SLCO4A1: variants seen among roughly 807,000 people sequenced by gnomAD.
SLCO4A1 encodes solute carrier organic anion transporter family member 4A1, also known as colon organic anion transporter.
In SLCO4A1, 51 loss-of-function variants were observed where a neutral mutation model predicts 64.6. That is an observed-to-expected ratio of 0.79 (90% confidence interval 0.63 to 1.00). SLCO4A1 has a LOEUF of 1.00. SLCO4A1 is among the 50% of genes least tolerant of loss of function. The probability of loss-of-function intolerance (pLI) is 0.00; values close to 1 mark genes in which losing one functional copy is unlikely to be tolerated. For missense variants in SLCO4A1, 919 were observed against 980.5 expected (o/e 0.94, Z 0.84); for synonymous variants, 471 against 444.9 (o/e 1.06, Z -0.74).
At chr20:62,684,224 A>C (rs1016752363) in intron 2 of SLCO4A1, among the ~76,000 whole-genome samples, 2 of 152,200 alleles carry the variant, frequency 1.3e-5, no homozygotes, top group Non-Finnish European at 2.9e-5. Context: ...TGGGTGTTCT[A>C]CTTAACCTTT....
intron 2 of SLCO4A1, among the ~76,000 whole-genome samples, chr20:62,679,877 A>C (rs1016451245): frequency 3.9e-5 from 6 of 152,210 alleles, no homozygotes; most frequent in South Asian, 2.1e-4. Flanking sequence ...GAAAAGTTTC[A>C]GGTGATTATT....
chr20:62,676,864 T>C (rs1442556605), downstream of SLCO4A1, among the ~76,000 whole-genome samples: 2 of 152,354 alleles, frequency 1.3e-5, no homozygotes, highest in East Asian at 3.8e-4. Flanking sequence ...ATGTTGCTCA[T>C]AACAGTCAAA....
chr20:62,656,058 C>T (rs1983655757), intron 1 of SLCO4A1, among the ~76,000 whole-genome samples: 1 of 152,236 alleles, frequency 6.6e-6, no homozygotes, highest in African/African-American at 2.4e-5. Flanking sequence ...CCGTCACAGC[C>T]CTGACGCCAC....
At position 62,645,099 on chromosome 20, in the gene SLCO4A1, G is replaced by T. The variant is rs555785775; in HGVS notation, c.-97+2546G>T. Among the ~76,000 whole-genome samples the T allele has an allele frequency of 1.2e-4, 18 of 152,364 alleles. No individual in the cohort carries two copies. The South Asian group carries it at 3.1e-3, about 26-fold the overall frequency. ...GCTGTTGCCTTCGTTCTGGGACATG[G>T]ACCACTGTCTGGCCCCCCAGTGAGC... On this transcript the variant is annotated intron_variant, in intron 1 of 11. Coordinates refer to ENST00000217159, the MANE Select transcript of SLCO4A1 (RefSeq NM_016354.4). This position sits in a 1 kb window ranked among gnomAD's most constrained non-coding sequence, Gnocchi z 4.2.
At chr20:62,647,246 T>TG (rs1486823610) in intron 1 of SLCO4A1, among the ~76,000 whole-genome samples, 1 of 151,858 alleles carries the variant, frequency 6.6e-6, no homozygotes, top group Non-Finnish European at 1.5e-5. Flanking sequence ...CCAGGTGTCT[T>TG]GGGGGGCTGG....
Position 62,669,009 on chromosome 20 carries a change from G to T in SLCO4A1, c.1956G>T (p.Gln652His). The T allele has an allele frequency of 6.2e-7, 1 of 1,611,072 alleles. No homozygotes were observed. Reference sequence around the variant, plus strand: ...TGTGGCAGGACCAGTGTGGCCAGCAGGGCTCCTGCTTGGTGTACCAGAATT... The same window carrying T: ...TGTGGCAGGACCAGTGTGGCCAGCATGGCTCCTGCTTGGTGTACCAGAATT... ...CLLWQDQCGQQGSCLVYQNSA... is the reference protein window; with the variant it reads ...CLLWQDQCGQHGSCLVYQNSA... The change falls in exon 11 of 12, where the codon CAG (glutamine) becomes CAT (histidine). Residue 652 changes from glutamine (Q) to histidine (H), a missense_variant. Transcript: ENST00000217159.
At chr20:62,643,994 T>C (rs1227968715) in intron 1 of SLCO4A1, among the ~76,000 whole-genome samples, 2 of 152,236 alleles carry the variant, frequency 1.3e-5, no homozygotes, top group South Asian at 2.1e-4. Context: ...CAGGTTTGTC[T>C]GATCCAGGCT....
rs771708090 is a variant in SLCO4A1, at chr20:62,671,824, A to G, written c.2100A>G (p.Glu700=). The G allele has an allele frequency of 6.2e-7, 1 of 1,613,470 alleles. No individual in the cohort carries two copies. The highest frequency in any genetic ancestry group is 1.3e-5 in the African/African-American group (1 of 75,040). ...TGTCGGAGTCTTCAGATGGCCTGGA[A>G]ACTTGTCTGCCCAGCCAGTCCTCAG... The part of the protein sequence containing the change: ...KPLSESSDGL[E]TCLPSQSSAP... The change falls in exon 12 of 12, where the codon GAA becomes GAG. Residue 700 remains glutamate, a synonymous_variant. Coordinates refer to ENST00000217159, the MANE Select transcript of SLCO4A1 (RefSeq NM_016354.4).
At chr20:62,684,750 G>T (rs1177068100) in intron 2 of SLCO4A1, among the ~76,000 whole-genome samples, 3 of 152,052 alleles carry the variant, frequency 2.0e-5, no homozygotes, top group Non-Finnish European at 4.4e-5. Context: ...TCCCGCCAGG[G>T]CGATCAGGGG....
At position 62,658,415 on chromosome 20, in the gene SLCO4A1, G is replaced by A. The variant is rs569515189; in HGVS notation, c.797-262G>A. Among the ~76,000 whole-genome samples the A allele has an allele frequency of 5.0e-3, 761 of 152,372 alleles. 7 individuals are homozygous for A. The highest frequency in any genetic ancestry group is 5.4e-3 in the Non-Finnish European group (369 of 68,030). ...GCGGCTACTTAGACGCCCTGCAAAC[G>A]GGGCTTCGAGGGCCTTTGCCCTTTC... On this transcript the variant is annotated intron_variant, in intron 2 of 11. Coordinates refer to ENST00000217159, the MANE Select transcript of SLCO4A1 (RefSeq NM_016354.4).
rs1271047528 is a variant in SLCO4A1 at position 62,645,302 on chromosome 20, C to A, written c.-97+2749C>A. Reference sequence around the variant, plus strand: ...GCCAGGGGTGTGAGGAGGAAACTGGCCCTGCTGCTGGGACAACAGACTCTG... The same window carrying A: ...GCCAGGGGTGTGAGGAGGAAACTGGACCTGCTGCTGGGACAACAGACTCTG... On this transcript the variant is annotated intron_variant, in intron 1 of 11. Transcript: ENST00000217159. The surrounding 1 kb of genome is among the most constrained non-coding windows in gnomAD (Gnocchi z 4.2). Among the ~76,000 whole-genome samples the A allele has an allele frequency of 2.0e-5, 3 of 152,110 alleles. No individual in the cohort carries two copies.
intron 11 of SLCO4A1, among the ~76,000 whole-genome samples, chr20:62,669,518 G>T (rs1242464581): frequency 1.3e-5 from 2 of 152,266 alleles, no homozygotes; most frequent in Admixed American, 6.5e-5. Flanking sequence ...TCCGTGATCA[G>T]TGCGCCTTGG....
At chr20:62,647,892 T>C (rs1264019449) in intron 1 of SLCO4A1, among the ~76,000 whole-genome samples, 1 of 152,192 alleles carries the variant, frequency 6.6e-6, no homozygotes, top group Middle Eastern at 3.2e-3. Flanking sequence ...CGGATTCGCC[T>C]CTAAAAGACC....
At position 62,644,364 on chromosome 20, in the gene SLCO4A1, G is replaced by C. The variant is rs963413381; in HGVS notation, c.-97+1811G>C. On this transcript the variant is annotated intron_variant, in intron 1 of 11. Coordinates refer to ENST00000217159, the MANE Select transcript of SLCO4A1 (RefSeq NM_016354.4). This position sits in a 1 kb window ranked among gnomAD's most constrained non-coding sequence, Gnocchi z 5.4. ...TTCTTCATGAGGGAGCTTCCCTCCCGAGTGGCCGTGACCTAATCTGTAGCT... is the reference window on the plus strand; with the variant it reads ...TTCTTCATGAGGGAGCTTCCCTCCCCAGTGGCCGTGACCTAATCTGTAGCT... Among the ~76,000 whole-genome samples, 4 of 152,236 alleles carry C rather than the reference G, an allele frequency of 2.6e-5. No individual in the cohort carries two copies. Among genetic ancestry groups the C allele is most frequent in the African/African-American group, 9.6e-5 (4 of 41,470 alleles).
chr20:62,643,039 A>G (rs1601596339), intron 1 of SLCO4A1: 1 of 469,988 alleles, frequency 2.1e-6, no homozygotes, highest in East Asian at 7.0e-5. Flanking sequence ...CTGCCGAGTC[A>G]AGGAGGAAAC....
chr20:62,651,910 C>T, intron 1 of SLCO4A1: 1 of 152,428 alleles, frequency 6.6e-6, no homozygotes, highest in Non-Finnish European at 1.5e-5. Flanking sequence ...TTCACGGCAG[C>T]CAGCGTCTTG....
intron 2 of SLCO4A1, among the ~76,000 whole-genome samples, chr20:62,677,357 T>C (rs923967928): frequency 2.0e-5 from 3 of 152,260 alleles, no homozygotes; most frequent in Non-Finnish European, 2.9e-5. Flanking sequence ...CTGCCTGCCC[T>C]GTGCTTTCAC....
chr20:62,673,278 A>AG (rs1304062128), downstream of SLCO4A1, among the ~76,000 whole-genome samples: 1 of 141,444 alleles, frequency 7.1e-6, no homozygotes, highest in Admixed American at 7.0e-5. Context: ...GAGGGAGTAC[A>AG]GGGGCTCTGG....
rs1229022309 is a variant in SLCO4A1, at chr20:62,671,662, G to T, written c.2026-88G>T. 7 of 1,273,538 alleles carry T rather than the reference G, an allele frequency of 5.5e-6. No individual in the cohort carries two copies. In the African/African-American group the frequency reaches 1.0e-4, roughly 19 times the overall value. 78.9% of individuals were successfully genotyped at this position (1,273,538 alleles called of 1,614,324 possible). ...ACCTGGTGAGGGTGCTGCAGGCTGG[G>T]GCAGGGACAGGACTGGGACAGGCCC... On this transcript the variant is annotated intron_variant, in intron 11 of 11. Coordinates refer to ENST00000217159, the MANE Select transcript of SLCO4A1 (RefSeq NM_016354.4).
Sources: allele counts gnomAD v4.1 joint callset (sites outside exome capture counted in the v4.1 genomes callset), GRCh38; gene constraint gnomAD v4.1.1; non-coding constraint Gnocchi (gnomAD v3.1); transcripts MANE v1.5; gene names NCBI Gene and HGNC (gene_info 2026-07-23, HGNC 2026-07-21).